Variants in MSRA observed in about 807,000 individuals in gnomAD.
MSRA encodes the protein mitochondrial peptide methionine sulfoxide reductase.
MSRA carries 54 observed loss-of-function variants against 31.3 expected under a neutral mutation model. The observed-to-expected ratio is 1.73, with a 90% CI of 1.39 to 2.17. The LOEUF (loss-of-function observed/expected upper bound fraction) is 2.17, where lower values mean the gene tolerates loss of function less well. Ranked by LOEUF, MSRA falls within the 30% of genes most tolerant of loss-of-function variation. MSRA has a pLI of 0.00. For synonymous variants in MSRA, 169 were observed against 116.5 expected (o/e 1.45, Z -2.90); for missense variants, 507 against 300.9 (o/e 1.69, Z -5.07).
At chr8:10,205,322 C>T (rs757587613) in intron 1 of MSRA, among the ~76,000 whole-genome samples, 1 of 151,638 alleles carries the variant, frequency 6.6e-6, no homozygotes, top group African/African-American at 2.4e-5. Flanking sequence ...GGGGATGCTA[C>T]AGGTGTCTGG....
intron 5 of MSRA, among the ~76,000 whole-genome samples, chr8:10,342,530 G>A (rs553938419): frequency 3.9e-5 from 6 of 152,290 alleles, no homozygotes; most frequent in Admixed American, 1.3e-4. Context: ...TGAGCCGCAC[G>A]GAACTGCTGA....
intron 1 of MSRA, among the ~76,000 whole-genome samples, chr8:10,185,101 A>G (rs1806901993): frequency 6.6e-6 from 1 of 152,178 alleles, no homozygotes; most frequent in Non-Finnish European, 1.5e-5. Context: ...TCAAGGCTGA[A>G]GGGCTGCTGC....
intron 1 of MSRA, among the ~76,000 whole-genome samples, chr8:10,147,151 C>T (rs1051448853): frequency 7.9e-5 from 12 of 152,030 alleles, no homozygotes; most frequent in Admixed American, 3.3e-4. Flanking sequence ...GGATGTGGCA[C>T]GAGTGGGAGA....
intron 1 of MSRA, among the ~76,000 whole-genome samples, chr8:10,172,172 A>G (rs1056104299): frequency 4.6e-5 from 7 of 152,150 alleles, no homozygotes; most frequent in Admixed American, 3.9e-4. Flanking sequence ...AAAGGGAGTG[A>G]CGGACAAAGG....
intron 1 of MSRA, among the ~76,000 whole-genome samples, chr8:10,178,961 A>G (rs1386473179): frequency 2.0e-5 from 3 of 152,114 alleles, no homozygotes; most frequent in Non-Finnish European, 4.4e-5. Flanking sequence ...TTCTGTTTTT[A>G]CTAGAGGAAT....
At position 10,155,822 on chromosome 8, in the gene MSRA, A is replaced by G. The variant is rs569872749; in HGVS notation, c.143-52011A>G. 2.6e-5 allele frequency among the ~76,000 whole-genome samples: 4 copies of G among 152,316 alleles called. No homozygotes were observed. In the East Asian group the frequency reaches 7.7e-4, roughly 29 times the overall value. On this transcript the variant is annotated intron_variant, in intron 1 of 5. Coordinates refer to ENST00000317173, the MANE Select transcript of MSRA (RefSeq NM_012331.5). ...AGCAGGGAGGGGAAAGCTCTGCTTT[A>G]TAGGAACATGCCAGATAACAAATAT...
At chr8:10,239,756 C>G (rs916996000) in intron 2 of MSRA, among the ~76,000 whole-genome samples, 2 of 152,222 alleles carry the variant, frequency 1.3e-5, no homozygotes, top group African/African-American at 4.8e-5. Flanking sequence ...GCTACAAAGT[C>G]TCCCAATGGG....
intron 1 of MSRA, among the ~76,000 whole-genome samples, chr8:10,162,730 C>T (rs1173750096): frequency 6.6e-6 from 1 of 152,220 alleles, no homozygotes; most frequent in Non-Finnish European, 1.5e-5. Context: ...TATACCATCT[C>T]ATTTAGTGCT....
At chr8:10,289,461 C>T (rs182557013) in intron 3 of MSRA, among the ~76,000 whole-genome samples, 1 of 152,194 alleles carries the variant, frequency 6.6e-6, no homozygotes, top group East Asian at 1.9e-4. Context: ...GTAGGAATCA[C>T]ATCATGGAGA....
chr8:10,205,191 C>T (rs1808847268), intron 1 of MSRA, among the ~76,000 whole-genome samples: 1 of 151,986 alleles, frequency 6.6e-6, no homozygotes, highest in African/African-American at 2.4e-5. Context: ...TTGTGGCTAC[C>T]TTGGGAAGAA....
At chr8:10,346,829 G>T (rs553748069) in intron 5 of MSRA, among the ~76,000 whole-genome samples, 1 of 152,220 alleles carries the variant, frequency 6.6e-6, no homozygotes, top group Non-Finnish European at 1.5e-5. Context: ...TGCTAAAGGG[G>T]TTGTTGTTTG....
chr8:10,094,625 G>A (rs1247842502), intron 1 of MSRA, among the ~76,000 whole-genome samples: 4 of 152,156 alleles, frequency 2.6e-5, no homozygotes, highest in Non-Finnish European at 2.9e-5. Flanking sequence ...ACTTTTCTGG[G>A]TTCTTTCTAT....
intron 1 of MSRA, among the ~76,000 whole-genome samples, chr8:10,182,946 C>T (rs1806675008): frequency 6.6e-6 from 1 of 152,166 alleles, no homozygotes; most frequent in Non-Finnish European, 1.5e-5. Context: ...TTCTGTTTTC[C>T]CCCTTTACAT....
chr8:10,397,320 C>G (rs1807157575), intron 5 of MSRA, among the ~76,000 whole-genome samples: 1 of 152,180 alleles, frequency 6.6e-6, no homozygotes, highest in African/African-American at 2.4e-5. Context: ...GACCCTGGTA[C>G]TTTGTAGGAG....
intron 5 of MSRA, among the ~76,000 whole-genome samples, chr8:10,412,245 C>G (rs1341146331): frequency 3.3e-5 from 5 of 152,186 alleles, no homozygotes; most frequent in Non-Finnish European, 5.9e-5. Context: ...GCTAGTCGTT[C>G]TTAAGTGTTT....
chr8:10,390,257 G>A (rs746280231), intron 5 of MSRA, among the ~76,000 whole-genome samples: 19 of 152,196 alleles, frequency 1.2e-4, no homozygotes, highest in Non-Finnish European at 1.0e-4. Flanking sequence ...GCCCTGAGAG[G>A]AGGGGGTCCC....
At chr8:10,136,369 C>A (rs186130442) in intron 1 of MSRA, among the ~76,000 whole-genome samples, 1 of 152,298 alleles carries the variant, frequency 6.6e-6, no homozygotes, top group East Asian at 1.9e-4. Context: ...AGGTCTCGTT[C>A]ATGTTACACA....
At chr8:10,314,549 CAT>C (rs968084136) in intron 4 of MSRA, among the ~76,000 whole-genome samples, 2 of 152,154 alleles carry the variant, frequency 1.3e-5, no homozygotes, top group Non-Finnish European at 2.9e-5. Context: ...CTTGTGCAGT[CAT>C]GTGGTTTTGT....
intron 1 of MSRA, among the ~76,000 whole-genome samples, chr8:10,127,639 T>C (rs1340596286): frequency 6.6e-6 from 1 of 152,214 alleles, no homozygotes; most frequent in Non-Finnish European, 1.5e-5. Flanking sequence ...ATCCAATCCA[T>C]CAATGGATAT....
Sources: gnomAD v4.1 joint callset for allele counts (sites outside exome capture counted in the v4.1 genomes callset) on GRCh38, gnomAD v4.1.1 for gene constraint, MANE v1.5 for transcripts, NCBI Gene and HGNC (gene_info 2026-07-23, HGNC 2026-07-21) for gene names.